Variants in RAB38 observed in about 807,000 individuals in gnomAD.
RAB38 encodes RAB38, member RAS oncogene family.
Under a neutral mutation model 18.4 loss-of-function variants are expected in RAB38, and 15 were observed. The ratio of observed to expected loss-of-function variants is 0.82; its 90% CI spans 0.55 to 1.26. The LOEUF (loss-of-function observed/expected upper bound fraction) is 1.26, where lower values mean the gene tolerates loss of function less well. RAB38 is among the 50% of genes most tolerant of loss of function. The probability of loss-of-function intolerance (pLI) is 0.00; values close to 1 mark genes in which losing one functional copy is unlikely to be tolerated. For synonymous variants in RAB38, 101 were observed against 104.4 expected, an observed-to-expected ratio of 0.97 and a Z score of 0.20; for missense variants, 294 against 267.4, an observed-to-expected ratio of 1.10 and a Z score of -0.69.
the RAB38 span, among the ~76,000 whole-genome samples, chr11:88,102,593 T>C: frequency 2.0e-5 from 3 of 152,056 alleles, no homozygotes; most frequent in Non-Finnish European, 4.4e-5. Context: ...CTAAAAAGTA[T>C]ATATTCACGT....
At chr11:88,144,759 G>C (rs186246779) in intron 2 of RAB38, among the ~76,000 whole-genome samples, 2 of 152,288 alleles carry the variant, frequency 1.3e-5, no homozygotes, top group Admixed American at 6.5e-5. Flanking sequence ...AGAACCAAGG[G>C]TATCTGTCAG....
chr11:87,888,350 A>G, the RAB38 span, among the ~76,000 whole-genome samples: 2 of 151,982 alleles, frequency 1.3e-5, no homozygotes, highest in East Asian at 3.9e-4. Context: ...GATGCAATGC[A>G]GTATAGTTGT....
the RAB38 span, among the ~76,000 whole-genome samples, chr11:88,099,444 G>A: frequency 2.5e-4 from 38 of 151,916 alleles, no homozygotes; most frequent in East Asian, 5.5e-3. Context: ...AAATCAAAAC[G>A]AGGGGAGAGA....
chr11:87,953,145 C>T, the RAB38 span, among the ~76,000 whole-genome samples: 1 of 152,096 alleles, frequency 6.6e-6, no homozygotes, highest in Admixed American at 6.6e-5. Context: ...ATGTGTTAGA[C>T]ATTCTAGGAC....
chr11:88,152,927 C>T (rs930922687), intron 1 of RAB38, among the ~76,000 whole-genome samples: 1 of 152,234 alleles, frequency 6.6e-6, no homozygotes, highest in African/African-American at 2.4e-5. Flanking sequence ...GATTACTGCA[C>T]TGAAAATAAT....
At chr11:87,820,266 G>T in the RAB38 span, among the ~76,000 whole-genome samples, 2 of 152,196 alleles carry the variant, frequency 1.3e-5, no homozygotes, top group Non-Finnish European at 2.9e-5. Flanking sequence ...CCAAAGGCAG[G>T]AAACCAAGTA....
chr11:87,828,415 A>T, the RAB38 span, among the ~76,000 whole-genome samples: 1 of 152,162 alleles, frequency 6.6e-6, no homozygotes, highest in Non-Finnish European at 1.5e-5. Flanking sequence ...ATTCTACTAC[A>T]TTTGGCAGTT....
chr11:88,074,914 C>A, the RAB38 span, among the ~76,000 whole-genome samples: 20 of 152,128 alleles, frequency 1.3e-4, no homozygotes, highest in Non-Finnish European at 2.5e-4. Context: ...AGACTTATAT[C>A]AAATAAAATA....
chr11:87,822,599 A>G, the RAB38 span, among the ~76,000 whole-genome samples: 25 of 152,184 alleles, frequency 1.6e-4, no homozygotes, highest in African/African-American at 5.8e-4. Flanking sequence ...GTGCTATCTT[A>G]CCATAGACAG....
chr11:87,956,469 T>TATCA, the RAB38 span, among the ~76,000 whole-genome samples: 1 of 152,152 alleles, frequency 6.6e-6, no homozygotes, highest in Non-Finnish European at 1.5e-5. Context: ...CACAGGCTTC[T>TATCA]ATCACCTGCA....
chr11:88,139,389 G>T (rs369651975), intron 2 of RAB38, among the ~76,000 whole-genome samples: 1 of 152,076 alleles, frequency 6.6e-6, no homozygotes, highest in African/African-American at 2.4e-5. Context: ...CTCACAGGTG[G>T]GGGTAACAGC....
At chr11:87,957,550 C>G in the RAB38 span, among the ~76,000 whole-genome samples, 2 of 152,094 alleles carry the variant, frequency 1.3e-5, no homozygotes, top group Non-Finnish European at 2.9e-5. Context: ...TAGTAATCAA[C>G]TGCGAGGAGA....
chr11:88,142,035 G>C (rs1158970893), intron 2 of RAB38, among the ~76,000 whole-genome samples: 1 of 151,428 alleles, frequency 6.6e-6, no homozygotes, highest in South Asian at 2.1e-4. Context: ...CTTGCCTAGA[G>C]AGATGAGGCC....
chr11:88,028,005 C>T, the RAB38 span, among the ~76,000 whole-genome samples: 5 of 152,184 alleles, frequency 3.3e-5, no homozygotes, highest in African/African-American at 1.2e-4. Context: ...ACACCTCACT[C>T]GGCCTGGTAC....
chr11:88,065,693 T>C, the RAB38 span, among the ~76,000 whole-genome samples: 2 of 152,208 alleles, frequency 1.3e-5, no homozygotes, highest in African/African-American at 4.8e-5. Flanking sequence ...AATGCACATA[T>C]TAATATTGAA....
At chr11:88,037,946 G>T in the RAB38 span, among the ~76,000 whole-genome samples, 1 of 152,072 alleles carries the variant, frequency 6.6e-6, no homozygotes, top group African/African-American at 2.4e-5. Context: ...CAATCATAAA[G>T]ATATATAAAA....
At chr11:88,006,276 A>G in the RAB38 span, among the ~76,000 whole-genome samples, 1 of 151,600 alleles carries the variant, frequency 6.6e-6, no homozygotes, top group Non-Finnish European at 1.5e-5. Flanking sequence ...AAAGATGACA[A>G]GTGTTAGCAA....
At chr11:87,949,059 C>T in the RAB38 span, among the ~76,000 whole-genome samples, 13 of 152,248 alleles carry the variant, frequency 8.5e-5, no homozygotes, top group Non-Finnish European at 1.8e-4. Context: ...TATTACCTCA[C>T]TTTCAGAGCC....
chr11:87,893,319 C>T, the RAB38 span, among the ~76,000 whole-genome samples: 1 of 137,252 alleles, frequency 7.3e-6, no homozygotes, highest in Non-Finnish European at 1.6e-5. Flanking sequence ...TATACACACA[C>T]ATACATATAT....
Sources: allele counts gnomAD v4.1 joint callset (sites outside exome capture counted in the v4.1 genomes callset), GRCh38; gene constraint gnomAD v4.1.1; transcripts MANE v1.5; gene names NCBI Gene and HGNC (gene_info 2026-07-23, HGNC 2026-07-21).